FAM135B: variants seen among roughly 807,000 people sequenced by gnomAD.
FAM135B encodes protein FAM135B.
In FAM135B, 43 loss-of-function variants were observed where a neutral mutation model predicts 127.7. The ratio of observed to expected loss-of-function variants is 0.34; its 90% CI spans 0.26 to 0.43. The LOEUF is 0.43. Ranked by LOEUF, FAM135B falls within the 20% of genes least tolerant of loss-of-function variation. The pLI is 1.00. For missense variants in FAM135B, 1,558 were observed against 1,725.6 expected (o/e 0.90, Z 1.72); for synonymous variants, 670 against 665.1 (o/e 1.01, Z -0.11).
In FAM135B at chr8:138,130,429, G is replaced by A. The variant is rs970971079; in HGVS notation, c.*2164C>T. 2 of 152,070 alleles carry A rather than the reference G, an allele frequency of 1.3e-5. No homozygotes were observed. The highest frequency in any genetic ancestry group is 2.1e-4 in the South Asian group (1 of 4,832). 9.4% of individuals were successfully genotyped at this position (152,070 alleles called of 1,614,324 possible). A position where few individuals can be genotyped will look rare whatever the true frequency, so the allele number is the denominator to read the frequency against. On this transcript the variant is annotated 3_prime_UTR_variant, in exon 20 of 20. Coordinates refer to ENST00000395297, the MANE Select transcript of FAM135B (RefSeq NM_015912.4). ...AAAGAGGTGCACCATGCAGCTGGAC[G>A]TTTATTGCCATTAGTTCTCACTATG...
intron 1 of FAM135B, among the ~76,000 whole-genome samples, chr8:138,468,148 T>C (rs1457544248): frequency 6.6e-6 from 1 of 152,244 alleles, no homozygotes; most frequent in Non-Finnish European, 1.5e-5. Flanking sequence ...ACTGAAACTT[T>C]CATAATAAAT....
intron 7 of FAM135B, among the ~76,000 whole-genome samples, chr8:138,227,427 C>CG (rs1245885797): frequency 6.6e-6 from 1 of 152,184 alleles, no homozygotes; most frequent in Non-Finnish European, 1.5e-5. Flanking sequence ...TGGGACCTGC[C>CG]TTGGATCCAG....
chr8:138,372,729 T>C (rs900117628), intron 1 of FAM135B, among the ~76,000 whole-genome samples: 1 of 152,092 alleles, frequency 6.6e-6, no homozygotes, highest in African/African-American at 2.4e-5. Context: ...ACAGAAGACA[T>C]AACTAGGAGA....
chr8:138,355,443 A>G (rs1366247209), intron 2 of FAM135B, among the ~76,000 whole-genome samples: 3 of 146,458 alleles, frequency 2.0e-5, no homozygotes, highest in Non-Finnish European at 4.5e-5. Flanking sequence ...GCTGGAAACC[A>G]TTATTCTCAG....
chr8:138,250,731 G>A, intron 6 of FAM135B, 110 bp downstream of exon 6: 1 of 1,238,484 alleles, frequency 8.1e-7, no homozygotes, highest in Non-Finnish European at 1.1e-6. Flanking sequence ...TGCAGCCTTA[G>A]AGAAACTCCC....
At chr8:138,221,402 G>A (rs1819013814) in intron 7 of FAM135B, among the ~76,000 whole-genome samples, 1 of 152,116 alleles carries the variant, frequency 6.6e-6, no homozygotes, top group Non-Finnish European at 1.5e-5. Context: ...TGAGAACTCT[G>A]CCCTCATGAT....
intron 1 of FAM135B, among the ~76,000 whole-genome samples, chr8:138,372,659 C>G (rs950565535): frequency 1.3e-5 from 2 of 152,132 alleles, no homozygotes; most frequent in African/African-American, 4.8e-5. Flanking sequence ...ATAAGGCACT[C>G]AGAATAGAGA....
At chr8:138,313,573 C>T (rs991212107) in intron 2 of FAM135B, among the ~76,000 whole-genome samples, 6 of 149,146 alleles carry the variant, frequency 4.0e-5, no homozygotes, top group Admixed American at 3.3e-4. Flanking sequence ...CTTGCTATGT[C>T]GCCCAGGCTG....
intron 1 of FAM135B, among the ~76,000 whole-genome samples, chr8:138,443,257 G>A (rs1324388014): frequency 6.6e-6 from 1 of 152,162 alleles, no homozygotes; most frequent in Non-Finnish European, 1.5e-5. Context: ...ATAGGTTATT[G>A]AGACAGAAAT....
At chr8:138,318,985 C>T (rs546667661) in intron 2 of FAM135B, among the ~76,000 whole-genome samples, 2 of 152,228 alleles carry the variant, frequency 1.3e-5, no homozygotes, top group South Asian at 2.1e-4. Context: ...CATAGGATGT[C>T]TTTAATGTAC....
chr8:138,363,661 T>G (rs1830573682), intron 2 of FAM135B, among the ~76,000 whole-genome samples: 1 of 152,184 alleles, frequency 6.6e-6, no homozygotes, highest in Admixed American at 6.5e-5. Flanking sequence ...GTGTGCATTC[T>G]CAGACTGGAA....
In FAM135B at chr8:138,294,968, G is replaced by C. The variant is rs73719210; in HGVS notation, c.157+15873C>G. 3.9e-3 allele frequency among the ~76,000 whole-genome samples: 592 copies of C among 152,152 alleles called. 3 individuals are homozygous for C. The highest frequency in any genetic ancestry group is 0.013 in the African/African-American group (559 of 41,490). Reference sequence around the variant, plus strand: ...ATAAGTCTATTTCCTCTGGTTCATAGTCAAATACTTCAAGGCAATAATCTT... The same window carrying C: ...ATAAGTCTATTTCCTCTGGTTCATACTCAAATACTTCAAGGCAATAATCTT... On this transcript the variant is annotated intron_variant, in intron 3 of 19. Coordinates refer to ENST00000395297, the MANE Select transcript of FAM135B (RefSeq NM_015912.4).
intron 1 of FAM135B, among the ~76,000 whole-genome samples, chr8:138,493,209 G>A (rs1815269269): frequency 6.6e-6 from 1 of 152,166 alleles, no homozygotes; most frequent in Non-Finnish European, 1.5e-5. Context: ...GGATAGCTCA[G>A]CAGATATTAG....
intron 2 of FAM135B, among the ~76,000 whole-genome samples, chr8:138,353,394 C>T (rs2131132729): frequency 6.6e-6 from 1 of 152,270 alleles, no homozygotes; most frequent in South Asian, 2.1e-4. Flanking sequence ...TCCTTATACC[C>T]TTGATTCCTC....
chr8:138,398,005 G>A (rs1832938736), intron 1 of FAM135B, among the ~76,000 whole-genome samples: 1 of 152,138 alleles, frequency 6.6e-6, no homozygotes, highest in Admixed American at 6.5e-5. Context: ...CACACCTTCA[G>A]CCAGGGCAGC....
At chr8:138,195,007 T>A (rs938728655) in intron 9 of FAM135B, among the ~76,000 whole-genome samples, 1 of 152,234 alleles carries the variant, frequency 6.6e-6, no homozygotes. Flanking sequence ...TACATATGTG[T>A]AGCCTAAGCT....
chr8:138,360,725 T>C (rs1830366912), intron 2 of FAM135B, among the ~76,000 whole-genome samples: 1 of 152,184 alleles, frequency 6.6e-6, no homozygotes, highest in South Asian at 2.1e-4. Flanking sequence ...TTTTACTTAG[T>C]TGGTCTGGAG....
rs1017914594 is a variant in FAM135B at position 138,242,782 on chromosome 8, G to C, written c.669+160C>G. Among the ~76,000 whole-genome samples the C allele has an allele frequency of 6.6e-6, 1 of 152,156 alleles. No individual in the cohort carries two copies. The highest frequency in any genetic ancestry group is 1.5e-5 in the Non-Finnish European group (1 of 68,034). On this transcript the variant is annotated intron_variant, in intron 7 of 19. Transcript: ENST00000395297. The surrounding 1 kb of genome is among the most constrained non-coding windows in gnomAD (Gnocchi z 9.6). Reference sequence around the variant, plus strand: ...CTTAGAAATATGTCTGATAGAGCTTGTAGTGATAAAAACAAGGGGTGGGAA... The same window carrying C: ...CTTAGAAATATGTCTGATAGAGCTTCTAGTGATAAAAACAAGGGGTGGGAA...
intron 12 of FAM135B, among the ~76,000 whole-genome samples, chr8:138,164,779 C>T (rs1450708451): frequency 6.6e-6 from 1 of 152,190 alleles, no homozygotes; most frequent in Non-Finnish European, 1.5e-5. Context: ...GCTCTGACCA[C>T]CTTGGGTACA....
Sources: gnomAD v4.1 joint callset for allele counts (sites outside exome capture counted in the v4.1 genomes callset) on GRCh38, gnomAD v4.1.1 for gene constraint, Gnocchi (gnomAD v3.1) non-coding constraint, MANE v1.5 for transcripts, NCBI Gene and HGNC (gene_info 2026-07-23, HGNC 2026-07-21) for gene names.